Variants in TRPC5 observed in about 807,000 individuals in gnomAD.
TRPC5 encodes the protein transient receptor potential cation channel subfamily C member 5.
In TRPC5, 9 loss-of-function variants were observed where a neutral mutation model predicts 56.5. The ratio of observed to expected loss-of-function variants is 0.16; its 90% confidence interval spans 0.10 to 0.28. The LOEUF (loss-of-function observed/expected upper bound fraction) is 0.28, where lower values mean the gene tolerates loss of function less well. Ranked by LOEUF, TRPC5 falls within the 10% of genes least tolerant of loss-of-function variation. The probability of loss-of-function intolerance (pLI) is 1.00; values close to 1 mark genes in which losing one functional copy is unlikely to be tolerated. For missense variants in TRPC5, 469 were observed against 748.9 expected (o/e 0.63, Z 4.36); for synonymous variants, 282 against 278.5 (o/e 1.01, Z -0.13).
rs533257061 is a variant in TRPC5, at chrX:111,824,142, G to T, written c.1896+10779C>A. Reference sequence around the variant, plus strand: ...GCTACTCGGAAAGCTGAGGCTGGAGGATTACATGAGATGGGAAGTGGAGGT... The same window carrying T: ...GCTACTCGGAAAGCTGAGGCTGGAGTATTACATGAGATGGGAAGTGGAGGT... On this transcript the variant is annotated intron_variant, in intron 7 of 10. Transcript: ENST00000262839. 1.1e-4 allele frequency among the ~76,000 whole-genome samples: 12 copies of T among 108,128 alleles called. No individual in the cohort carries two copies. In the South Asian group the frequency reaches 4.3e-3, roughly 39 times the overall value. 93.9% of individuals were successfully genotyped at this position (108,128 alleles called of 115,157 possible).
chrX:112,063,668 G>A (rs191592898), intron 1 of TRPC5, among the ~76,000 whole-genome samples: 60 of 112,328 alleles, frequency 5.3e-4, no homozygotes, highest in African/African-American at 1.9e-3. Context: ...ATGCTTGCAT[G>A]AATTCTTTGA....
intron 1 of TRPC5, among the ~76,000 whole-genome samples, chrX:111,994,334 T>C (rs1276903803): frequency 2.7e-5 from 3 of 111,607 alleles, no homozygotes; most frequent in Non-Finnish European, 3.8e-5. Flanking sequence ...AGTCAGGTAG[T>C]GTGATGCCTC....
chrX:111,905,349 A>G (rs754062484), intron 3 of TRPC5, among the ~76,000 whole-genome samples: 1 of 109,584 alleles, frequency 9.1e-6, no homozygotes, highest in Non-Finnish European at 1.9e-5. Flanking sequence ...TTCACAAACC[A>G]ACTAACCAAC....
chrX:111,803,203 C>T (rs1921377649), intron 7 of TRPC5, among the ~76,000 whole-genome samples: 2 of 112,277 alleles, frequency 1.8e-5, no homozygotes, highest in South Asian at 7.4e-4. Flanking sequence ...ACTCATCCTT[C>T]TCCATGGCTG....
intron 2 of TRPC5, among the ~76,000 whole-genome samples, chrX:111,916,516 G>A (rs1188506097): frequency 8.9e-6 from 1 of 112,079 alleles, no homozygotes; most frequent in Admixed American, 9.5e-5. Flanking sequence ...TAAAGGAAGA[G>A]AAAGTTCTAT....
intron 3 of TRPC5, among the ~76,000 whole-genome samples, chrX:111,887,996 G>C (rs769594010): frequency 8.9e-6 from 1 of 111,944 alleles, no homozygotes; most frequent in African/African-American, 3.3e-5. Context: ...CTGCCAAGTT[G>C]GGAGGGGGAG....
chrX:112,019,899 A>G (rs1929229303), intron 1 of TRPC5, among the ~76,000 whole-genome samples: 2 of 111,929 alleles, frequency 1.8e-5, no homozygotes, highest in African/African-American at 6.5e-5. Context: ...TGAGCTTAAA[A>G]TCTCTCATCA....
chrX:111,907,901 A>G (rs1369571928), intron 3 of TRPC5, among the ~76,000 whole-genome samples: 1 of 111,469 alleles, frequency 9.0e-6, no homozygotes, highest in Non-Finnish European at 1.9e-5. Flanking sequence ...CAGACTTATC[A>G]GTCTGATTCC....
At chrX:112,064,502 C>T (rs1231178014) in intron 1 of TRPC5, among the ~76,000 whole-genome samples, 1 of 111,868 alleles carries the variant, frequency 8.9e-6, no homozygotes. Context: ...ACCAATTGTG[C>T]CAGCTTCATA....
chrX:111,975,094 T>C (rs757815498), intron 1 of TRPC5, among the ~76,000 whole-genome samples: 47 of 111,018 alleles, frequency 4.2e-4, no homozygotes, highest in African/African-American at 1.4e-3. Context: ...AAGAGTGACC[T>C]TGATGCTCTG....
chrX:111,802,795 A>G (rs921699850), intron 7 of TRPC5, among the ~76,000 whole-genome samples: 1 of 112,157 alleles, frequency 8.9e-6, no homozygotes, highest in Non-Finnish European at 1.9e-5. Context: ...ACCTCATTTC[A>G]TAATGGTGAC....
At chrX:111,870,174 A>G (rs1258696573) in intron 3 of TRPC5, among the ~76,000 whole-genome samples, 2 of 111,568 alleles carry the variant, frequency 1.8e-5, no homozygotes, top group Admixed American at 9.5e-5. Context: ...TGCTGGGAGG[A>G]TGCTATAGGT....
chrX:111,846,641 G>A (rs1217273754), intron 6 of TRPC5, among the ~76,000 whole-genome samples: 1 of 111,202 alleles, frequency 9.0e-6, no homozygotes, highest in African/African-American at 3.3e-5. Flanking sequence ...GTCCCCTCTC[G>A]AGATTACACC....
chrX:111,922,440 C>T (rs1418259367), intron 2 of TRPC5, among the ~76,000 whole-genome samples: 1 of 111,999 alleles, frequency 8.9e-6, no homozygotes, highest in Non-Finnish European at 1.9e-5. Flanking sequence ...TCCCTCCATC[C>T]TAACATGCCA....
At chrX:112,025,901 A>G (rs1370938607) in intron 1 of TRPC5, among the ~76,000 whole-genome samples, 2 of 111,733 alleles carry the variant, frequency 1.8e-5, no homozygotes, top group African/African-American at 6.5e-5. Context: ...TGGCACCCTC[A>G]ACCTCTTGAA....
chrX:111,935,516 G>C (rs1378576304), intron 2 of TRPC5, among the ~76,000 whole-genome samples: 2 of 111,941 alleles, frequency 1.8e-5, no homozygotes, highest in Non-Finnish European at 3.8e-5. Context: ...CCCTGTGCTT[G>C]AGGGGTATTA....
intron 3 of TRPC5, among the ~76,000 whole-genome samples, chrX:111,905,951 A>T (rs1925603657): frequency 9.2e-6 from 1 of 109,056 alleles, no homozygotes; most frequent in Non-Finnish European, 1.9e-5. Context: ...AAAAATACTG[A>T]AGGCATCTCA....
intron 3 of TRPC5, 41 bp downstream of exon 3, chrX:111,912,250 G>A (rs745430390): frequency 1.8e-6 from 2 of 1,142,101 alleles, no homozygotes; most frequent in African/African-American, 3.7e-5. Context: ...AGACTTTGGA[G>A]GCTTTAAGCT....
At chrX:112,034,614 C>A (rs1416974464) in intron 1 of TRPC5, among the ~76,000 whole-genome samples, 1 of 108,761 alleles carries the variant, frequency 9.2e-6, no homozygotes, top group South Asian at 3.9e-4. Flanking sequence ...TTATGTTGAA[C>A]CACACTTTCA....
Sources: gnomAD v4.1 joint callset for allele counts (sites outside exome capture counted in the v4.1 genomes callset) on GRCh38, gnomAD v4.1.1 for gene constraint, MANE v1.5 for transcripts, NCBI Gene and HGNC (gene_info 2026-07-23, HGNC 2026-07-21) for gene names.